The following NRG1 variants were observed in gnomAD, a reference collection of about 807,000 sequenced individuals.
The protein encoded by NRG1 is pro-neuregulin-1, membrane-bound isoform.
Under a neutral mutation model 63.8 loss-of-function variants are expected in NRG1, and 18 were observed. The ratio of observed to expected loss-of-function variants is 0.28; its 90% confidence interval spans 0.19 to 0.42. The LOEUF (loss-of-function observed/expected upper bound fraction) is 0.42, where lower values mean the gene tolerates loss of function less well. NRG1 is among the 10% of genes least tolerant of loss of function. The probability of loss-of-function intolerance (pLI) is 1.00; values close to 1 mark genes in which losing one functional copy is unlikely to be tolerated. For missense variants in NRG1, 762 were observed against 814.7 expected, an observed-to-expected ratio of 0.94 and a Z score of 0.79; for synonymous variants, 302 against 301.3, an observed-to-expected ratio of 1.00 and a Z score of -0.02.
intron 1 of NRG1, among the ~76,000 whole-genome samples, chr8:31,892,130 G>C (rs1167974401): frequency 6.6e-6 from 1 of 152,108 alleles, no homozygotes; most frequent in Non-Finnish European, 1.5e-5. Context: ...GGGCAACTGG[G>C]TAAAGGGCAA....
intron 1 of NRG1, among the ~76,000 whole-genome samples, chr8:32,027,169 G>T (rs966245181): frequency 6.6e-6 from 1 of 152,016 alleles, no homozygotes; most frequent in Admixed American, 6.6e-5. Context: ...TGAGTAGGTT[G>T]GTTCATGAGT....
At chr8:31,858,603 C>G (rs771360379) in intron 1 of NRG1, among the ~76,000 whole-genome samples, 1 of 152,154 alleles carries the variant, frequency 6.6e-6, no homozygotes, top group Non-Finnish European at 1.5e-5. Context: ...CAAAGCCAAA[C>G]TTACACCAAA....
At chr8:32,513,389 A>G (rs1486190005) in intron 1 of NRG1, among the ~76,000 whole-genome samples, 1 of 151,044 alleles carries the variant, frequency 6.6e-6, no homozygotes, top group Non-Finnish European at 1.5e-5. Flanking sequence ...AAGGAGTGAA[A>G]ATTCTTGCAA....
intron 3 of NRG1, among the ~76,000 whole-genome samples, chr8:32,612,916 G>C (rs1846622729): frequency 6.6e-6 from 1 of 151,980 alleles, no homozygotes; most frequent in African/African-American, 2.4e-5. Flanking sequence ...GATATTTCTA[G>C]AGAAGGACAC....
intron 1 of NRG1, among the ~76,000 whole-genome samples, chr8:32,588,970 G>T (rs1174848243): frequency 6.6e-6 from 1 of 152,134 alleles, no homozygotes; most frequent in Non-Finnish European, 1.5e-5. Flanking sequence ...GCACAGGGCG[G>T]GGTGAGCACA....
At chr8:32,086,997 G>C (rs1011419434) in intron 1 of NRG1, among the ~76,000 whole-genome samples, 1 of 152,108 alleles carries the variant, frequency 6.6e-6, no homozygotes. Flanking sequence ...AGCATCTGAC[G>C]TAACTGAAAC....
intron 1 of NRG1, among the ~76,000 whole-genome samples, chr8:32,219,982 C>G (rs527803867): frequency 6.6e-6 from 1 of 152,172 alleles, no homozygotes; most frequent in East Asian, 1.9e-4. Context: ...GACACACCCC[C>G]GGCTGTCAGA....
intron 1 of NRG1, among the ~76,000 whole-genome samples, chr8:31,722,531 TA>T (rs1813024173): frequency 1.3e-5 from 2 of 152,188 alleles, no homozygotes. Flanking sequence ...AATAATTTTT[TA>T]TTGCTTTAAG....
intron 1 of NRG1, among the ~76,000 whole-genome samples, chr8:32,097,210 T>C (rs1311660154): frequency 6.6e-6 from 1 of 152,238 alleles, no homozygotes; most frequent in Non-Finnish European, 1.5e-5. Context: ...TATTCTGTTG[T>C]ACACATTTAC....
chr8:31,657,993 C>T (rs1044449929), intron 1 of NRG1, among the ~76,000 whole-genome samples: 1 of 152,184 alleles, frequency 6.6e-6, no homozygotes, highest in Non-Finnish European at 1.5e-5. Flanking sequence ...GGTAGACTTT[C>T]CTGTTTATCA....
chr8:32,554,573 C>G (rs1012203490), intron 1 of NRG1, among the ~76,000 whole-genome samples: 1 of 152,136 alleles, frequency 6.6e-6, no homozygotes, highest in Non-Finnish European at 1.5e-5. Flanking sequence ...AAAAAAGCCT[C>G]TGCAGTAAAT....
intron 1 of NRG1, among the ~76,000 whole-genome samples, chr8:32,343,822 C>T (rs1267516588): frequency 3.9e-5 from 6 of 152,156 alleles, no homozygotes; most frequent in African/African-American, 1.4e-4. Context: ...AGTCTTTTTA[C>T]GCTACATTGG....
intron 1 of NRG1, among the ~76,000 whole-genome samples, chr8:31,934,425 T>C (rs1322536287): frequency 1.4e-5 from 2 of 145,424 alleles, no homozygotes; most frequent in Non-Finnish European, 3.0e-5. Context: ...GCTCTCTTTT[T>C]TTTTTTTTTT....
chr8:32,649,552 G>C (rs1854528161), intron 5 of NRG1, among the ~76,000 whole-genome samples: 1 of 152,120 alleles, frequency 6.6e-6, no homozygotes, highest in African/African-American at 2.4e-5. Context: ...AATGCCTCTT[G>C]TTTTTCCTCT....
At chr8:32,264,943 T>C (rs1003957868) in intron 1 of NRG1, among the ~76,000 whole-genome samples, 5 of 152,156 alleles carry the variant, frequency 3.3e-5, no homozygotes, top group African/African-American at 1.2e-4. Context: ...ATGAAAGAAT[T>C]GGGTGGTCAA....
chr8:32,755,331 C>T (rs1434557120), intron 8 of NRG1, among the ~76,000 whole-genome samples: 1 of 152,164 alleles, frequency 6.6e-6, no homozygotes, highest in Non-Finnish European at 1.5e-5. Context: ...CTGCACGATA[C>T]TCTGTTGCCA....
At chr8:32,070,781 CATAAGGGCCTCTTGCTT>C (rs1825644610) in intron 1 of NRG1, among the ~76,000 whole-genome samples, 1 of 152,158 alleles carries the variant, frequency 6.6e-6, no homozygotes, top group Non-Finnish European at 1.5e-5. Flanking sequence ...TATATCAGAC[CATAAGGGCCTCTTGCTT>C]ATAAAGGACC....
At chr8:31,746,838 G>A (rs908829337) in intron 1 of NRG1, among the ~76,000 whole-genome samples, 1 of 151,930 alleles carries the variant, frequency 6.6e-6, no homozygotes, top group East Asian at 1.9e-4. Flanking sequence ...AACACAGAAG[G>A]AGGTCTTGTT....
In NRG1 at chr8:31,880,273, C is replaced by T. The variant is rs1225196874; in HGVS notation, c.37+240842C>T. 3.3e-5 allele frequency among the ~76,000 whole-genome samples: 5 copies of T among 152,120 alleles called. 1 individual carries two copies. Among genetic ancestry groups the T allele is most frequent in the African/African-American group, 1.2e-4 (5 of 41,428 alleles). The stretch of plus-strand genomic sequence containing the variant: ...TTGTTTTATAGGGAGGGGGCAGAGA[C>T]TCTGCTTTTATGAAGCTTACAGTGA... On this transcript the variant is annotated intron_variant, in intron 1 of 10. Transcript: ENST00000519301.
Sources: gnomAD v4.1 joint callset for allele counts (sites outside exome capture counted in the v4.1 genomes callset) on GRCh38, gnomAD v4.1.1 for gene constraint, MANE v1.5 for transcripts, NCBI Gene and HGNC (gene_info 2026-07-23, HGNC 2026-07-21) for gene names.